The following CTNNA2 variants were observed in gnomAD, a reference collection of about 807,000 sequenced individuals.
CTNNA2 encodes catenin alpha-2.
CTNNA2 carries 42 observed loss-of-function variants against 101.0 expected under a neutral mutation model. That is an observed-to-expected ratio of 0.42 (90% CI 0.32 to 0.54). CTNNA2 has a LOEUF of 0.54. CTNNA2 is among the 20% of genes least tolerant of loss of function. CTNNA2 has a pLI of 0.14. For synonymous variants in CTNNA2, 450 were observed against 456.4 expected, an observed-to-expected ratio of 0.99 and a Z score of 0.18; for missense variants, 871 against 1,223.1, an observed-to-expected ratio of 0.71 and a Z score of 4.29.
intron 4 of CTNNA2, among the ~76,000 whole-genome samples, chr2:79,470,792 CTGTT>C (rs944402579): frequency 6.6e-6 from 1 of 152,170 alleles, no homozygotes; most frequent in Non-Finnish European, 1.5e-5. Context: ...ATGTGGAACA[CTGTT>C]TGTATAACTA....
intron 7 of CTNNA2, among the ~76,000 whole-genome samples, chr2:80,207,557 G>T (rs954432142): frequency 1.3e-5 from 2 of 152,176 alleles, no homozygotes; most frequent in East Asian, 3.9e-4. Flanking sequence ...GGAGACAGAT[G>T]AGGAATAACT....
chr2:79,436,732 C>T (rs1046369695), intron 4 of CTNNA2, among the ~76,000 whole-genome samples: 16 of 151,872 alleles, frequency 1.1e-4, no homozygotes, highest in African/African-American at 1.7e-4. Flanking sequence ...CCTGGGTTCA[C>T]GCCATTATCC....
chr2:79,706,672 G>C (rs1317912306), intron 2 of CTNNA2, among the ~76,000 whole-genome samples: 2 of 152,158 alleles, frequency 1.3e-5, no homozygotes, highest in Admixed American at 6.5e-5. Context: ...AAGAGTCCCA[G>C]ATGGCTGAGG....
intron 7 of CTNNA2, among the ~76,000 whole-genome samples, chr2:80,309,513 C>T (rs985725449): frequency 1.3e-5 from 2 of 152,122 alleles, no homozygotes; most frequent in Middle Eastern, 3.4e-3. Flanking sequence ...ATAAAAAGAC[C>T]TTGTTGGGAT....
At chr2:79,701,579 T>C (rs1210906900) in intron 2 of CTNNA2, among the ~76,000 whole-genome samples, 1 of 152,184 alleles carries the variant, frequency 6.6e-6, no homozygotes, top group Non-Finnish European at 1.5e-5. Context: ...ACAATCTCAC[T>C]GGTCCTATGA....
rs544456802 is a variant in CTNNA2, at chr2:80,263,420, C to T, written c.1057-129791C>T. On this transcript the variant is annotated intron_variant, in intron 7 of 18. Transcript: ENST00000402739. ...CACAGTCTTGGCTCACTGAAACCTC[C>T]GCCTCCTGGGTTCAAGTAATTCTTC... Among the ~76,000 whole-genome samples the T allele has an allele frequency of 2.2e-4, 34 of 152,234 alleles. No homozygotes were observed. The South Asian group carries it at 3.9e-3, about 18-fold the overall frequency.
At position 79,954,254 on chromosome 2, in the gene CTNNA2, C is replaced by T. The variant is rs143241349; in HGVS notation, c.1056+44457C>T. Among the ~76,000 whole-genome samples, 132 of 152,248 alleles carry T rather than the reference C, an allele frequency of 8.7e-4. 1 individual carries two copies. Among genetic ancestry groups the T allele is most frequent in the Middle Eastern group, 3.4e-3 (1 of 294 alleles). On this transcript the variant is annotated intron_variant, in intron 7 of 18. Transcript: ENST00000402739. ...ATCCAGTGATTTTGCTACCTCAACACGTGGGGATTACAATTCGAGATGAGA... is the reference window on the plus strand; with the variant it reads ...ATCCAGTGATTTTGCTACCTCAACATGTGGGGATTACAATTCGAGATGAGA...
chr2:79,865,061 T>A (rs776994310), intron 4 of CTNNA2, among the ~76,000 whole-genome samples: 1 of 152,160 alleles, frequency 6.6e-6, no homozygotes, highest in Non-Finnish European at 1.5e-5. Flanking sequence ...TAAACTAAAT[T>A]GTTGTGCTTT....
At chr2:79,595,360 A>C (rs751959783) in intron 1 of CTNNA2, among the ~76,000 whole-genome samples, 1 of 152,156 alleles carries the variant, frequency 6.6e-6, no homozygotes, top group Admixed American at 6.6e-5. Flanking sequence ...GTGACTCACA[A>C]ATCTCTATTT....
intron 6 of CTNNA2, among the ~76,000 whole-genome samples, chr2:79,888,646 G>A (rs753125698): frequency 6.6e-6 from 1 of 151,966 alleles, no homozygotes; most frequent in Admixed American, 6.6e-5. Flanking sequence ...CCCCTATCAG[G>A]TTTAATCAAA....
At chr2:80,450,211 T>C (rs148589377) in intron 9 of CTNNA2, among the ~76,000 whole-genome samples, 60 of 152,342 alleles carry the variant, frequency 3.9e-4, no homozygotes, top group Non-Finnish European at 7.5e-4. Context: ...TTTTTCATAA[T>C]TATAGGAGTA....
chr2:79,999,644 T>C (rs1033114840), intron 7 of CTNNA2, among the ~76,000 whole-genome samples: 1 of 152,232 alleles, frequency 6.6e-6, no homozygotes, highest in African/African-American at 2.4e-5. Context: ...GTTCATCTAC[T>C]CAGCCTTCCT....
At chr2:80,456,031 A>G (rs1204716227) in intron 9 of CTNNA2, among the ~76,000 whole-genome samples, 2 of 152,182 alleles carry the variant, frequency 1.3e-5, no homozygotes, top group Non-Finnish European at 2.9e-5. Flanking sequence ...GCCAGTGAGA[A>G]GTTACTTTCC....
At chr2:79,573,012 A>C (rs1675555494) in intron 1 of CTNNA2, among the ~76,000 whole-genome samples, 1 of 152,200 alleles carries the variant, frequency 6.6e-6, no homozygotes, top group Non-Finnish European at 1.5e-5. Flanking sequence ...AATTCAAATT[A>C]CATTTCACTT....
intron 6 of CTNNA2, among the ~76,000 whole-genome samples, chr2:79,878,124 C>CATGAT (rs1281865196): frequency 2.6e-5 from 4 of 152,104 alleles, no homozygotes; most frequent in Non-Finnish European, 5.9e-5. Context: ...GCTTCATCCA[C>CATGAT]GTCCCTGCAA....
intron 16 of CTNNA2, among the ~76,000 whole-genome samples, chr2:80,606,208 AT>A (rs1697987564): frequency 6.6e-6 from 1 of 151,800 alleles, no homozygotes; most frequent in Admixed American, 6.6e-5. Flanking sequence ...TACACTTTAA[AT>A]CTCAATGGTC....
At position 80,303,560 on chromosome 2, in the gene CTNNA2, C is replaced by T. The variant is rs759656049; in HGVS notation, c.1057-89651C>T. On this transcript the variant is annotated intron_variant, in intron 7 of 18. Transcript: ENST00000402739. The surrounding 1 kb of genome is among the most constrained non-coding windows in gnomAD (Gnocchi z 7.7). ...ATAGAGCCACGTGAGCTGCATTAAC[C>T]CCGTGAACTGGCCGGCGCGCAGCTC... 1.2e-6 allele frequency: 2 copies of T among 1,614,246 alleles called. No individual in the cohort carries two copies. The highest frequency in any genetic ancestry group is 1.7e-6 in the Non-Finnish European group (2 of 1,180,054).
chr2:79,322,153 C>T (rs1414672238), intron 3 of CTNNA2, among the ~76,000 whole-genome samples: 2 of 152,176 alleles, frequency 1.3e-5, no homozygotes, highest in African/African-American at 4.8e-5. Flanking sequence ...ATCCCCCAGT[C>T]CGAGATTACC....
intron 2 of CTNNA2, among the ~76,000 whole-genome samples, chr2:79,659,708 G>C (rs984749867): frequency 1.3e-5 from 2 of 152,170 alleles, no homozygotes; most frequent in African/African-American, 4.8e-5. Context: ...TTTAAAGAAA[G>C]TTTTGGGGCC....
Sources: gnomAD v4.1 joint callset for allele counts (sites outside exome capture counted in the v4.1 genomes callset) on GRCh38, gnomAD v4.1.1 for gene constraint, Gnocchi (gnomAD v3.1) non-coding constraint, MANE v1.5 for transcripts, NCBI Gene and HGNC (gene_info 2026-07-23, HGNC 2026-07-21) for gene names.